The following THRA variants were observed in gnomAD, a reference collection of about 807,000 sequenced individuals.
The protein encoded by THRA is thyroid hormone receptor alpha, also known as EAR-7.
THRA carries 13 observed loss-of-function variants against 45.0 expected under a neutral mutation model. That is an observed-to-expected ratio of 0.29 (90% CI 0.19 to 0.46). The LOEUF (loss-of-function observed/expected upper bound fraction) is 0.46. THRA is among the 20% of genes least tolerant of loss of function. THRA has a pLI of 1.00. For missense variants in THRA, 278 were observed against 556.1 expected (o/e 0.50, Z 5.03); for synonymous variants, 195 against 214.0 (o/e 0.91, Z 0.78).
upstream of THRA, chr17:40,062,780 A>G (rs915685852): frequency 0.012 from 22 of 1,872 alleles, no homozygotes; most frequent in African/African-American, 0.037. Context: ...GGGGCGCGGC[A>G]GGGGGCGGGG....
At chr17:40,078,317 T>C (rs1325998373) in intron 4 of THRA, among the ~76,000 whole-genome samples, 1 of 152,086 alleles carries the variant, frequency 6.6e-6, no homozygotes, top group African/African-American at 2.4e-5. Flanking sequence ...ACACTGTCTC[T>C]ACAAAATTAA....
chr17:40,087,540 C>T (rs1354610420), intron 7 of THRA, among the ~76,000 whole-genome samples: 2 of 152,176 alleles, frequency 1.3e-5, no homozygotes, highest in Non-Finnish European at 2.9e-5. Context: ...AGAAATCAGC[C>T]GGCTCCAAGT....
At chr17:40,078,523 A>T (rs556777555) in intron 4 of THRA, among the ~76,000 whole-genome samples, 1 of 152,198 alleles carries the variant, frequency 6.6e-6, no homozygotes, top group Non-Finnish European at 1.5e-5. Context: ...TGCCATGTGC[A>T]TAAGAAGCAT....
chr17:40,078,364 C>A lies in THRA; in HGVS notation c.222+756C>A, dbSNP rs534149899. 5.9e-5 allele frequency among the ~76,000 whole-genome samples: 9 copies of A among 152,256 alleles called. No homozygotes were observed. In the South Asian group the frequency reaches 1.9e-3, roughly 32 times the overall value. On this transcript the variant is annotated intron_variant, in intron 4 of 8. Coordinates refer to ENST00000450525, the MANE Select transcript of THRA (RefSeq NM_199334.5). ...GGGTGTGGTGCCACATGCCTGTGGTCCCAGCTACTCAGGAGGCTGAGGTGG... is the reference window on the plus strand; with the variant it reads ...GGGTGTGGTGCCACATGCCTGTGGTACCAGCTACTCAGGAGGCTGAGGTGG...
intron 2 of THRA, among the ~76,000 whole-genome samples, chr17:40,075,356 C>G (rs1480659083): frequency 1.3e-5 from 2 of 152,114 alleles, no homozygotes; most frequent in African/African-American, 2.4e-5. Context: ...CCTAGGAGAT[C>G]AGATCCCGAG....
chr17:40,088,159 G>A (rs191660852), intron 7 of THRA, 83 bp from the exon 8 acceptor site: 33 of 1,503,786 alleles, frequency 2.2e-5, no homozygotes, highest in Non-Finnish European at 2.8e-5. Context: ...CGGGCCTCAC[G>A]GCTCCCGTAG....
At chr17:40,066,110 C>CT (rs1461592107) in intron 1 of THRA, among the ~76,000 whole-genome samples, 2 of 152,216 alleles carry the variant, frequency 1.3e-5, no homozygotes, top group Non-Finnish European at 2.9e-5. Context: ...GCTGCCTAGA[C>CT]TAAGTATGTA....
Position 40,090,724 on chromosome 17 carries a change from G to C in THRA, c.*1268G>C, listed in dbSNP as rs1255772071. On this transcript the variant is annotated 3_prime_UTR_variant, in exon 9 of 9. Coordinates refer to ENST00000450525, the MANE Select transcript of THRA (RefSeq NM_199334.5). ...CTCTGGGCGGGCAGGTACCAGAATGGGGGTGTTTAGATAAGTGACACTTAG... is the reference window on the plus strand; with the variant it reads ...CTCTGGGCGGGCAGGTACCAGAATGCGGGTGTTTAGATAAGTGACACTTAG... The C allele has an allele frequency of 6.6e-6, 1 of 152,254 alleles. No homozygotes were observed. The highest frequency in any genetic ancestry group is 6.5e-5 in the Admixed American group (1 of 15,278). 9.4% of individuals were successfully genotyped at this position (152,254 alleles called of 1,614,324 possible). A position where few individuals can be genotyped will look rare whatever the true frequency, so the allele number is the denominator to read the frequency against.
At chr17:40,093,340 G>A (rs757776456), downstream of THRA, 18 of 1,612,988 alleles carry the variant, frequency 1.1e-5, no homozygotes, top group South Asian at 6.6e-5. This position sits in a 1 kb window ranked among gnomAD's most constrained non-coding sequence, Gnocchi z 5.9. Context: ...AGGAGGAACC[G>A]GAGGTCTGCG....
intron 2 of THRA, among the ~76,000 whole-genome samples, chr17:40,075,532 G>A (rs1986922030): frequency 6.6e-6 from 1 of 152,224 alleles, no homozygotes; most frequent in Non-Finnish European, 1.5e-5. Flanking sequence ...GCCTGTCGCT[G>A]TGTGGCTGTC....
chr17:40,063,429 A>G (rs1986434180), intron 1 of THRA, among the ~76,000 whole-genome samples: 1 of 151,600 alleles, frequency 6.6e-6, no homozygotes, highest in Non-Finnish European at 1.5e-5. Flanking sequence ...CGGCCGCCGG[A>G]GCTCCCCCGC....
intron 7 of THRA, among the ~76,000 whole-genome samples, chr17:40,087,527 C>CT (rs1346009787): frequency 6.6e-6 from 1 of 152,162 alleles, no homozygotes; most frequent in Non-Finnish European, 1.5e-5. Flanking sequence ...TCTGGCTGCT[C>CT]TAAGAAATCA....
At chr17:40,071,738 C>T (rs141992400) in intron 1 of THRA, among the ~76,000 whole-genome samples, 1 of 152,290 alleles carries the variant, frequency 6.6e-6, no homozygotes, top group African/African-American at 2.4e-5. Context: ...TGCCCCATGC[C>T]CCTTACCCGC....
At chr17:40,064,366 A>G (rs1266791374) in intron 1 of THRA, among the ~76,000 whole-genome samples, 1 of 152,200 alleles carries the variant, frequency 6.6e-6, no homozygotes, top group Non-Finnish European at 1.5e-5. Context: ...ACAGCAGCAC[A>G]ATTACAAAAG....
At chr17:40,084,933 C>T in intron 6 of THRA, 118 bp downstream of exon 6, 1 of 1,089,924 alleles carries the variant, frequency 9.2e-7, no homozygotes, top group South Asian at 1.5e-5. Context: ...AAAATACATA[C>T]TCTTCACACT....
intron 2 of THRA, among the ~76,000 whole-genome samples, chr17:40,074,750 C>A (rs1012583997): frequency 6.6e-6 from 1 of 152,200 alleles, no homozygotes; most frequent in Admixed American, 6.5e-5. Context: ...AAGCGGGGAG[C>A]GATACAGAGC....
Position 40,074,450 on chromosome 17 carries a change from T to C in THRA, c.-39T>C, listed in dbSNP as rs1174472219. ...GGGCCAGTGTGCCCACCCCAGTCTC[T>C]TGGCGTGCTGGAGGGCATCCTGGAT... On this transcript the variant is annotated 5_prime_UTR_variant, in exon 2 of 9. Coordinates refer to ENST00000450525, the MANE Select transcript of THRA (RefSeq NM_199334.5). 3 of 1,613,124 alleles carry C rather than the reference T, an allele frequency of 1.9e-6. No individual in the cohort carries two copies. The highest frequency in any genetic ancestry group is 1.1e-5 in the South Asian group (1 of 91,054).
At chr17:40,076,277 G>T (rs564330035) in intron 2 of THRA, among the ~76,000 whole-genome samples, 2 of 152,258 alleles carry the variant, frequency 1.3e-5, no homozygotes, top group African/African-American at 4.8e-5. Context: ...TGTATGACCT[G>T]GAGCTCAAGC....
At position 40,089,667 on chromosome 17, in the gene THRA, G is replaced by T. The variant is rs1454598792; in HGVS notation, c.*211G>T. On this transcript the variant is annotated 3_prime_UTR_variant, in exon 9 of 9. Coordinates refer to ENST00000450525, the MANE Select transcript of THRA (RefSeq NM_199334.5). This position sits in a 1 kb window ranked among gnomAD's most constrained non-coding sequence, Gnocchi z 6.1. ...AGGGCAAACAACTGAACTTGCTATG[G>T]AAAGGACAGTGTGGGAGGCTGGGGG... The T allele has an allele frequency of 1.8e-5, 26 of 1,412,382 alleles. No individual in the cohort carries two copies. The highest frequency in any genetic ancestry group is 2.4e-5 in the Non-Finnish European group (26 of 1,085,020). 87.5% of individuals were successfully genotyped at this position (1,412,382 alleles called of 1,614,324 possible).
Sources: gnomAD v4.1 joint callset for allele counts (sites outside exome capture counted in the v4.1 genomes callset) on GRCh38, gnomAD v4.1.1 for gene constraint, Gnocchi (gnomAD v3.1) non-coding constraint, MANE v1.5 for transcripts, NCBI Gene and HGNC (gene_info 2026-07-23, HGNC 2026-07-21) for gene names.